The following ZNRF2 variants were observed in gnomAD, a reference collection of about 807,000 sequenced individuals.
The protein encoded by ZNRF2 is zinc and ring finger 2, also known as E3 ubiquitin-protein ligase ZNRF2.
A neutral mutation model predicts 20.4 loss-of-function variants in ZNRF2; 16 were observed. The ratio of observed to expected loss-of-function variants is 0.79; its 90% confidence interval spans 0.53 to 1.19. ZNRF2 has a LOEUF of 1.19. Ranked by LOEUF, ZNRF2 falls within the 50% of genes most tolerant of loss-of-function variation. The pLI is 0.00. For synonymous variants in ZNRF2, 178 were observed against 144.9 expected, an observed-to-expected ratio of 1.23 and a Z score of -1.64; for missense variants, 363 against 332.4, an observed-to-expected ratio of 1.09 and a Z score of -0.72.
chr7:30,317,541 A>G (rs575846378), intron 1 of ZNRF2, among the ~76,000 whole-genome samples: 5 of 152,322 alleles, frequency 3.3e-5, no homozygotes, highest in East Asian at 1.9e-4. Flanking sequence ...GGTATGTTCT[A>G]TTGGAGGAAA....
intron 1 of ZNRF2, among the ~76,000 whole-genome samples, chr7:30,295,023 G>A (rs1430904316): frequency 2.2e-5 from 2 of 88,936 alleles, no homozygotes; most frequent in African/African-American, 1.1e-4. Context: ...AGGAGAGAGA[G>A]AGAGAGAGAG....
At chr7:30,359,307 T>C (rs1354828346) in intron 3 of ZNRF2, among the ~76,000 whole-genome samples, 5 of 152,332 alleles carry the variant, frequency 3.3e-5, no homozygotes, top group African/African-American at 9.6e-5. Context: ...TTAAAACTTA[T>C]TTGTATCATG....
chr7:30,297,605 G>A (rs1272967989), intron 1 of ZNRF2, among the ~76,000 whole-genome samples: 1 of 152,056 alleles, frequency 6.6e-6, no homozygotes, highest in Non-Finnish European at 1.5e-5. Flanking sequence ...TTGCTGTTGA[G>A]CACATAGATG....
intron 1 of ZNRF2, among the ~76,000 whole-genome samples, chr7:30,289,521 G>A (rs574050256): frequency 3.9e-5 from 6 of 152,298 alleles, no homozygotes; most frequent in African/African-American, 9.6e-5. Context: ...TGGCCGAAGA[G>A]GAATGTTTGC....
chr7:30,339,763 C>T (rs1240262681), intron 2 of ZNRF2, among the ~76,000 whole-genome samples: 2 of 151,922 alleles, frequency 1.3e-5, no homozygotes, highest in South Asian at 2.1e-4. Flanking sequence ...TTTTGGTTCC[C>T]TATGAAATTT....
chr7:30,300,005 T>C (rs928209876), intron 1 of ZNRF2, among the ~76,000 whole-genome samples: 25 of 151,974 alleles, frequency 1.6e-4, no homozygotes, highest in South Asian at 4.1e-4. Flanking sequence ...AGGATGGTCT[T>C]GATCTCCTGA....
intron 1 of ZNRF2, among the ~76,000 whole-genome samples, chr7:30,291,567 T>C (rs918073026): frequency 8.5e-5 from 13 of 152,194 alleles, no homozygotes; most frequent in African/African-American, 3.1e-4. Context: ...AAGCTAGAAC[T>C]GATAGAATTG....
intron 2 of ZNRF2, among the ~76,000 whole-genome samples, chr7:30,327,473 A>G (rs1342137254): frequency 2.0e-5 from 3 of 152,076 alleles, no homozygotes; most frequent in African/African-American, 2.4e-5. Flanking sequence ...TGATTTAACT[A>G]TGCCTAAGTC....
chr7:30,363,062 G>A (rs1327555834), intron 4 of ZNRF2, among the ~76,000 whole-genome samples: 1 of 152,004 alleles, frequency 6.6e-6, no homozygotes, highest in Non-Finnish European at 1.5e-5. Context: ...TGGAGTTGGC[G>A]GTGAGCTGAG....
At chr7:30,288,997 A>G (rs1798847678) in intron 1 of ZNRF2, 1 of 152,218 alleles carries the variant, frequency 6.6e-6, no homozygotes, top group Non-Finnish European at 1.5e-5. Context: ...AGGATGGGGT[A>G]GATGAATTGG....
At chr7:30,299,419 C>CAA (rs756818976) in intron 1 of ZNRF2, among the ~76,000 whole-genome samples, 63 of 117,860 alleles carry the variant, frequency 5.3e-4, no homozygotes, top group African/African-American at 1.3e-3. Flanking sequence ...AACTATGTCT[C>CAA]AAAAAAAAAA....
chr7:30,335,275 A>G (rs1162187066), intron 2 of ZNRF2, among the ~76,000 whole-genome samples: 2 of 152,258 alleles, frequency 1.3e-5, no homozygotes, highest in East Asian at 3.9e-4. Context: ...TATCATTCCA[A>G]CATTCCAAGA....
chr7:30,357,988 C>G (rs1230727242), intron 3 of ZNRF2, among the ~76,000 whole-genome samples: 1 of 152,042 alleles, frequency 6.6e-6, no homozygotes, highest in South Asian at 2.1e-4. Flanking sequence ...CAATATATAT[C>G]TAAAATAATG....
At chr7:30,336,887 C>T (rs1799723012) in intron 2 of ZNRF2, among the ~76,000 whole-genome samples, 1 of 151,968 alleles carries the variant, frequency 6.6e-6, no homozygotes, top group Non-Finnish European at 1.5e-5. Flanking sequence ...CATACATGGA[C>T]ATGTATGTGT....
chr7:30,357,011 C>G (rs919541653), intron 3 of ZNRF2, among the ~76,000 whole-genome samples: 1 of 152,052 alleles, frequency 6.6e-6, no homozygotes, highest in Non-Finnish European at 1.5e-5. Flanking sequence ...AATAACATCT[C>G]AAAATATTTA....
intron 1 of ZNRF2, among the ~76,000 whole-genome samples, chr7:30,295,079 G>A (rs1487462135): frequency 5.4e-5 from 8 of 149,298 alleles, no homozygotes; most frequent in Admixed American, 4.0e-4. Context: ...GTGTGTGTGT[G>A]TGTGTGTGTG....
At chr7:30,351,765 T>A (rs979418488) in intron 2 of ZNRF2, among the ~76,000 whole-genome samples, 2 of 152,078 alleles carry the variant, frequency 1.3e-5, no homozygotes, top group African/African-American at 4.8e-5. Flanking sequence ...AGTTACTTCA[T>A]AGGATTAACA....
At chr7:30,288,768 G>GTTAAAGTGAACAGA (rs1244573229) in intron 1 of ZNRF2, 2 of 152,228 alleles carry the variant, frequency 1.3e-5, no homozygotes, top group African/African-American at 4.8e-5. Flanking sequence ...ACTGAGGAGT[G>GTTAAAGTGAACAGA]TTAAAGTGAA....
intron 1 of ZNRF2, among the ~76,000 whole-genome samples, chr7:30,292,318 A>G (rs374158741): frequency 2.0e-5 from 3 of 152,296 alleles, no homozygotes; most frequent in African/African-American, 7.2e-5. Flanking sequence ...CATTTCCACC[A>G]GTTTCTAACA....
Sources: allele counts gnomAD v4.1 joint callset (sites outside exome capture counted in the v4.1 genomes callset), GRCh38; gene constraint gnomAD v4.1.1; transcripts MANE v1.5; gene names NCBI Gene and HGNC (gene_info 2026-07-23, HGNC 2026-07-21).